The following ZC3H18 variants were observed in gnomAD, a reference collection of about 807,000 sequenced individuals.
ZC3H18 encodes the protein zinc finger CCCH-type containing 18.
Under a neutral mutation model 106.1 loss-of-function variants are expected in ZC3H18, and 8 were observed. That is an observed-to-expected ratio of 0.08 (90% CI 0.04 to 0.14). The LOEUF is 0.14. ZC3H18 is among the 10% of genes least tolerant of loss of function. The probability of loss-of-function intolerance (pLI) is 1.00; values close to 1 mark genes in which losing one functional copy is unlikely to be tolerated. For synonymous variants in ZC3H18, 635 were observed against 522.1 expected (o/e 1.22, Z -2.95); for missense variants, 1,318 against 1,278.4 (o/e 1.03, Z -0.47).
chr16:88,594,084 G>T (rs1048756495), intron 3 of ZC3H18, among the ~76,000 whole-genome samples: 2 of 152,136 alleles, frequency 1.3e-5, no homozygotes, highest in African/African-American at 4.8e-5. Flanking sequence ...CTCTCTAGCT[G>T]CATCTCTTCC....
chr16:88,582,326 G>A (rs1465821635), intron 2 of ZC3H18, among the ~76,000 whole-genome samples: 1 of 139,388 alleles, frequency 7.2e-6, no homozygotes, highest in Non-Finnish European at 1.5e-5. Flanking sequence ...CCGGGTTCAA[G>A]CGATTCTCCT....
chr16:88,609,097 A>C, intron 7 of ZC3H18, 46 bp downstream of exon 7: 1 of 1,464,528 alleles, frequency 6.8e-7, no homozygotes, highest in Non-Finnish European at 9.5e-7. Context: ...TGATCTGTTC[A>C]TTCAAGTTAT....
At position 88,611,336 on chromosome 16, in the gene ZC3H18, A is replaced by G. The variant is rs553557301; in HGVS notation, c.1275A>G (p.Arg425=). The change falls in exon 8 of 18, where the codon CGA becomes CGG. Residue 425 remains arginine, a synonymous_variant. Transcript: ENST00000301011. ...RERERERERD[R]ERERRQRERE... The stretch of plus-strand genomic sequence containing the variant: ...GCGAGCGGGAGCGGGAGCGGGACCG[A>G]GAGCGGGAGCGCCGGCAGAGGGAGC... 1 of 767,676 alleles carries G rather than the reference A, an allele frequency of 1.3e-6. No homozygotes were observed. Among genetic ancestry groups the G allele is most frequent in the South Asian group, 1.5e-5 (1 of 68,466 alleles). 47.6% of individuals were successfully genotyped at this position (767,676 alleles called of 1,614,324 possible).
chr16:88,598,197 G>T lies in ZC3H18; in HGVS notation c.708G>T (p.Met236Ile), dbSNP rs1370122992. ...FFMKGNCTWG[M>I]NCRFIHPGVN... ...CCATAGGGAACTGTACCTGGGGAAT[G>T]AATTGTAGGTTTATACACCCTGGAG... Residue 236 changes from methionine (M) to isoleucine (I), a missense_variant, in exon 4 of 18, where the codon ATG becomes ATT. By Grantham distance (10) the Met-to-Ile change is conservative. Around this residue, in one of 6 missense-constraint regions of ZC3H18, gnomAD observed 30 missense variants for 63.3 expected, o/e 0.47. Coordinates refer to ENST00000301011, the MANE Select transcript of ZC3H18 (RefSeq NM_144604.4). 1.9e-6 allele frequency: 3 copies of T among 1,611,678 alleles called. No individual in the cohort carries two copies. Among genetic ancestry groups the T allele is most frequent in the Non-Finnish European group, 8.5e-7 (1 of 1,179,528 alleles).
intron 2 of ZC3H18, among the ~76,000 whole-genome samples, chr16:88,578,228 C>T (rs2064288294): frequency 6.6e-6 from 1 of 152,160 alleles, no homozygotes. Flanking sequence ...GAGAGGGCAC[C>T]AGCTGGGCCA....
chr16:88,599,673 G>T lies in ZC3H18; in HGVS notation c.931-118G>T, dbSNP rs765464923. The T allele has an allele frequency of 1.0e-3, 1,245 of 1,222,174 alleles. 7 individuals carry two copies. Among genetic ancestry groups the T allele is most frequent in the Non-Finnish European group, 9.9e-4 (871 of 876,914 alleles). The allele number at this position is 1,222,174 out of a possible 1,614,324, so 75.7% of individuals were successfully genotyped here. On this transcript the variant is annotated intron_variant, in intron 5 of 17. Coordinates refer to ENST00000301011, the MANE Select transcript of ZC3H18 (RefSeq NM_144604.4). ...CCCTCACCCCTTGAGCACTTGCAGC[G>T]TGCAGCTCCTGCTCCTGCAGGGCTG...
At chr16:88,621,767 A>T (rs1201833879) in intron 8 of ZC3H18, among the ~76,000 whole-genome samples, 1 of 152,244 alleles carries the variant, frequency 6.6e-6, no homozygotes, top group Non-Finnish European at 1.5e-5. Flanking sequence ...CTGGGATTGC[A>T]GGCGTGTGCC....
At chr16:88,581,523 T>C (rs1915128430) in intron 2 of ZC3H18, among the ~76,000 whole-genome samples, 1 of 152,192 alleles carries the variant, frequency 6.6e-6, no homozygotes, top group South Asian at 2.1e-4. Flanking sequence ...CTTCTGGAAG[T>C]GCCGCTGGCC....
At position 88,611,312 on chromosome 16, in the gene ZC3H18, CGAGCGG is replaced by C. The variant is rs529387142; in HGVS notation, c.1266_1271del (p.Glu422_Arg423del). Reference sequence around the variant, plus strand: ...AGAGAGAGAACAGACAGCGCGAGCGCGAGCGGGAGCGGGAGCGGGACCGAGAGCGGG... The same window carrying C: ...AGAGAGAGAACAGACAGCGCGAGCGCGAGCGGGAGCGGGACCGAGAGCGGG... On this transcript the variant is annotated inframe_deletion, in exon 8 of 18. Transcript: ENST00000301011. 4,988 of 738,080 alleles carry C rather than the reference CGAGCGG, an allele frequency of 6.8e-3. 30 individuals carry two copies. Among genetic ancestry groups the C allele is most frequent in the Middle Eastern group, 0.01 (40 of 3,996 alleles). 45.7% of individuals were successfully genotyped at this position (738,080 alleles called of 1,614,324 possible).
rs193121146 is a variant in ZC3H18, at chr16:88,628,754, C to G, written c.2470-4C>G. The stretch of plus-strand genomic sequence containing the variant: ...TGTCCTCACTGGCCTCTCTCTTGTC[C>G]CAGGCGGCTGATAAAGGAAGCAGGA... On this transcript the variant is annotated splice_polypyrimidine_tract_variant and splice_region_variant and intron_variant, in intron 15 of 17. Coordinates refer to ENST00000301011, the MANE Select transcript of ZC3H18 (RefSeq NM_144604.4). 1 of 1,613,950 alleles carries G rather than the reference C, an allele frequency of 6.2e-7. No homozygotes were observed. The highest frequency in any genetic ancestry group is 8.5e-7 in the Non-Finnish European group (1 of 1,179,916).
intron 3 of ZC3H18, among the ~76,000 whole-genome samples, chr16:88,588,128 T>C (rs1452150689): frequency 6.6e-6 from 1 of 152,162 alleles, no homozygotes; most frequent in African/African-American, 2.4e-5. Context: ...GTATTCACAG[T>C]GTCAGTATTT....
In ZC3H18 at chr16:88,570,578, C is replaced by T. The variant is rs1392396384; in HGVS notation, c.-15+12C>T. The T allele has an allele frequency of 2.0e-5, 3 of 151,698 alleles. No individual in the cohort carries two copies. The highest frequency in any genetic ancestry group is 7.3e-5 in the African/African-American group (3 of 41,294). The allele number at this position is 151,698 out of a possible 1,614,324, so 9.4% of individuals were successfully genotyped here. ...GCCCTAGCGCTGAGGTTAGCTGGGG[C>T]CGGGAGGGCGGCGGGAGGCCGGGCC... On this transcript the variant is annotated intron_variant, in intron 1 of 17. Transcript: ENST00000301011.
chr16:88,612,098 TG>T (rs1905304732), intron 8 of ZC3H18, among the ~76,000 whole-genome samples: 1 of 152,088 alleles, frequency 6.6e-6, no homozygotes, highest in Admixed American at 6.5e-5. Flanking sequence ...TGCCAACTGC[TG>T]GGGGCACAGT....
chr16:88,625,413 C>T (rs139342425), intron 13 of ZC3H18, 146 bp downstream of exon 13: 22 of 950,140 alleles, frequency 2.3e-5, no homozygotes, highest in Middle Eastern at 2.2e-4. Flanking sequence ...TGGAAGGCTG[C>T]GGTTGAAGCT....
intron 8 of ZC3H18, among the ~76,000 whole-genome samples, chr16:88,613,496 T>C (rs1905388908): frequency 6.6e-6 from 1 of 152,170 alleles, no homozygotes; most frequent in Non-Finnish European, 1.5e-5. Flanking sequence ...TCTGCATCCT[T>C]GTCTGCACTT....
chr16:88,623,457 C>A, intron 10 of ZC3H18, 113 bp downstream of exon 10: 1 of 1,417,630 alleles, frequency 7.1e-7, no homozygotes. Flanking sequence ...AAGGTCCCTG[C>A]TGGCAGCTGA....
chr16:88,614,384 C>T (rs1018085827), intron 8 of ZC3H18, among the ~76,000 whole-genome samples: 5 of 152,340 alleles, frequency 3.3e-5, no homozygotes, highest in East Asian at 1.9e-4. Flanking sequence ...TGTGGCTGGA[C>T]GACACCCGCT....
intron 1 of ZC3H18, among the ~76,000 whole-genome samples, chr16:88,573,399 C>A (rs1055664300): frequency 6.6e-6 from 1 of 152,038 alleles, no homozygotes; most frequent in Non-Finnish European, 1.5e-5. Context: ...TGCCACAACC[C>A]CACGCAGACT....
intron 3 of ZC3H18, among the ~76,000 whole-genome samples, chr16:88,597,326 G>A (rs1597336319): frequency 6.6e-6 from 1 of 152,062 alleles, no homozygotes; most frequent in Non-Finnish European, 1.5e-5. Context: ...GTATTGAGTT[G>A]GTTTTAATGC....
Sources: gnomAD v4.1 joint callset for allele counts (sites outside exome capture counted in the v4.1 genomes callset) on GRCh38, gnomAD v4.1.1 for gene constraint, gnomAD v4.1.1 regional missense constraint, MANE v1.5 for transcripts, NCBI Gene and HGNC (gene_info 2026-07-23, HGNC 2026-07-21) for gene names.